Variants in C4orf36 observed in about 807,000 individuals in gnomAD.
C4orf36 encodes uncharacterized protein C4orf36.
C4orf36 carries 11 observed loss-of-function variants against 12.2 expected under a neutral mutation model. That is an observed-to-expected ratio of 0.90 (90% confidence interval 0.57 to 1.49). The LOEUF is 1.49. C4orf36 is among the 40% of genes most tolerant of loss of function. C4orf36 has a pLI of 0.00. For synonymous variants in C4orf36, 54 were observed against 51.3 expected, an observed-to-expected ratio of 1.05 and a Z score of -0.22; for missense variants, 137 against 133.9, an observed-to-expected ratio of 1.02 and a Z score of -0.11.
chr4:86,924,830 C>A, the C4orf36 span: 2 of 152,158 alleles, frequency 1.3e-5, no homozygotes, highest in Non-Finnish European at 2.9e-5. Flanking sequence ...ATAAAAAATA[C>A]CTGAGATTGG....
At chr4:86,906,728 CAA>C in the C4orf36 span, among the ~76,000 whole-genome samples, 4 of 78,828 alleles carry the variant, frequency 5.1e-5, no homozygotes, top group East Asian at 1.1e-3. Context: ...AAGACGGTCT[CAA>C]AAAAAAAAAA....
chr4:86,891,937 G>A, intron 1 of C4orf36: 3 of 960,454 alleles, frequency 3.1e-6, no homozygotes, highest in Non-Finnish European at 3.8e-6. Context: ...GCCTGCACAG[G>A]AACCACCCGC....
the C4orf36 span, among the ~76,000 whole-genome samples, chr4:86,908,992 T>C: frequency 6.6e-6 from 1 of 152,058 alleles, no homozygotes; most frequent in East Asian, 1.9e-4. Flanking sequence ...AGCAAGGACA[T>C]ATGGAACTCA....
At chr4:86,914,880 G>A in the C4orf36 span, 1 of 371,938 alleles carries the variant, frequency 2.7e-6, no homozygotes, top group South Asian at 2.1e-5. Flanking sequence ...GCTTGGAGTG[G>A]AGGATTCATG....
chr4:86,924,093 T>G, the C4orf36 span, among the ~76,000 whole-genome samples: 2 of 152,302 alleles, frequency 1.3e-5, no homozygotes, highest in East Asian at 3.9e-4. Flanking sequence ...TAGGTTGGAG[T>G]GCAGTGGCAC....
the C4orf36 span, chr4:86,925,868 T>A: frequency 1.3e-5 from 2 of 151,224 alleles, no homozygotes; most frequent in Admixed American, 1.3e-4. Context: ...TATCATCTTT[T>A]TTTTTCCTTT....
chr4:86,901,630 C>G, the C4orf36 span, among the ~76,000 whole-genome samples: 1 of 151,100 alleles, frequency 6.6e-6, no homozygotes, highest in Admixed American at 6.6e-5. Context: ...CCAGGATGGT[C>G]TCGATTTCCT....
chr4:86,891,397 AG>A, intron 2 of C4orf36, 58 bp downstream of exon 2: 2 of 1,522,698 alleles, frequency 1.3e-6, no homozygotes, highest in Non-Finnish European at 1.8e-6. Context: ...TATTTAACAA[AG>A]ACACTCCCCA....
the C4orf36 span, chr4:86,914,528 G>T: frequency 2.1e-6 from 1 of 479,382 alleles, no homozygotes; most frequent in Non-Finnish European, 3.7e-6. Context: ...AGCCTCCCGG[G>T]TAGCTGGGAT....
At chr4:86,924,445 C>A in the C4orf36 span, among the ~76,000 whole-genome samples, 1 of 152,310 alleles carries the variant, frequency 6.6e-6, no homozygotes, top group South Asian at 2.1e-4. Flanking sequence ...AAGTGATCCA[C>A]CCCCCTCGGC....
At chr4:86,928,769 A>T in the C4orf36 span, among the ~76,000 whole-genome samples, 12 of 152,162 alleles carry the variant, frequency 7.9e-5, no homozygotes, top group African/African-American at 2.4e-4. Flanking sequence ...TCTAAAGGTC[A>T]CTATGAACTC....
the C4orf36 span, among the ~76,000 whole-genome samples, chr4:86,921,939 T>G: frequency 6.6e-6 from 1 of 152,234 alleles, no homozygotes; most frequent in Non-Finnish European, 1.5e-5. Context: ...ATACAATATT[T>G]GCCATTTTGT....
chr4:86,888,313 G>A (rs776576931), intron 2 of C4orf36, 38 bp from the exon 3 acceptor site: 1 of 1,580,508 alleles, frequency 6.3e-7, no homozygotes, highest in Non-Finnish European at 8.7e-7. Flanking sequence ...AATAAATATT[G>A]ATTAAGCACC....
chr4:86,900,679 C>T, the C4orf36 span, among the ~76,000 whole-genome samples: 1 of 142,486 alleles, frequency 7.0e-6, no homozygotes. Context: ...GCTGGTGAGT[C>T]GAAGAAGCAG....
chr4:86,899,337 A>G, the C4orf36 span, among the ~76,000 whole-genome samples: 1 of 152,226 alleles, frequency 6.6e-6, no homozygotes, highest in Non-Finnish European at 1.5e-5. Flanking sequence ...AAAGAGATAA[A>G]ATAATGCCAG....
chr4:86,918,872 C>A, the C4orf36 span, among the ~76,000 whole-genome samples: 1 of 151,840 alleles, frequency 6.6e-6, no homozygotes, highest in African/African-American at 2.4e-5. Flanking sequence ...GGAATTGGCT[C>A]ACATGATTAT....
chr4:86,892,441 C>A (rs1400654009), upstream of C4orf36: 15 of 985,358 alleles, frequency 1.5e-5, no homozygotes, highest in Non-Finnish European at 1.8e-5. Flanking sequence ...TCGCGTCACA[C>A]GGGAGCCTCA....
chr4:86,913,847 G>A, the C4orf36 span: 2 of 294,588 alleles, frequency 6.8e-6, no homozygotes, highest in Non-Finnish European at 1.1e-5. Flanking sequence ...TTTTTTTTTT[G>A]AGACGGAGTC....
chr4:86,876,458 G>C lies in C4orf36; in HGVS notation c.*3-15C>G. The C allele has an allele frequency of 2.5e-6, 4 of 1,613,362 alleles. No homozygotes were observed. The highest frequency in any genetic ancestry group is 3.4e-6 in the Non-Finnish European group (4 of 1,179,480). On this transcript the variant is annotated splice_polypyrimidine_tract_variant and intron_variant, in intron 4 of 4. Coordinates refer to ENST00000295898, the MANE Select transcript of C4orf36 (RefSeq NM_144645.4). ...CGCGCTTCAGGCTGCGCAAAGGAGA[G>C]GGGGAAAATAAGATTTTATTTTATC...
Sources: gnomAD v4.1 joint callset for allele counts (sites outside exome capture counted in the v4.1 genomes callset) on GRCh38, gnomAD v4.1.1 for gene constraint, MANE v1.5 for transcripts, NCBI Gene and HGNC (gene_info 2026-07-23, HGNC 2026-07-21) for gene names.